MCF2: variants seen among roughly 807,000 people sequenced by gnomAD.
The protein encoded by MCF2 is MCF.2 cell line derived transforming sequence.
In MCF2, 44 loss-of-function variants were observed where a neutral mutation model predicts 82.5. That is an observed-to-expected ratio of 0.53 (90% CI 0.42 to 0.69). The LOEUF is 0.69. Ranked by LOEUF, MCF2 falls within the 30% of genes least tolerant of loss-of-function variation. The probability of loss-of-function intolerance (pLI) is 0.00; values close to 1 mark genes in which losing one functional copy is unlikely to be tolerated. For synonymous variants in MCF2, 217 were observed against 224.9 expected (o/e 0.96, Z 0.32); for missense variants, 623 against 663.1 (o/e 0.94, Z 0.66).
chrX:139,680,285 G>A (rs1253230932), intron 1 of MCF2, among the ~76,000 whole-genome samples: 2 of 111,527 alleles, frequency 1.8e-5, no homozygotes, highest in African/African-American at 3.3e-5. Context: ...CACCACATCC[G>A]GCTAATTGTG....
chrX:139,703,654 A>C (rs1185966466), intron 1 of MCF2, among the ~76,000 whole-genome samples: 1 of 111,184 alleles, frequency 9.0e-6, no homozygotes, highest in African/African-American at 3.3e-5. Context: ...AGAATTGCTT[A>C]AACCTAGGAG....
intron 1 of MCF2, among the ~76,000 whole-genome samples, chrX:139,678,552 G>A (rs937515282): frequency 2.7e-5 from 3 of 112,092 alleles, no homozygotes; most frequent in African/African-American, 9.7e-5. Context: ...CCTGACTGAA[G>A]ATAATTTCAA....
intron 1 of MCF2, among the ~76,000 whole-genome samples, chrX:139,637,250 T>C (rs1933281193): frequency 8.9e-6 from 1 of 112,125 alleles, no homozygotes; most frequent in Non-Finnish European, 1.9e-5. Flanking sequence ...ACACAACTAC[T>C]AAGCAATCAG....
intron 3 of MCF2, among the ~76,000 whole-genome samples, chrX:139,631,187 A>G (rs910156735): frequency 8.9e-6 from 1 of 111,883 alleles, no homozygotes; most frequent in Non-Finnish European, 1.9e-5. Context: ...TGCCATCCTC[A>G]GTGACTGCTC....
At chrX:139,613,825 A>G (rs775873587) in intron 10 of MCF2, among the ~76,000 whole-genome samples, 7 of 111,543 alleles carry the variant, frequency 6.3e-5, no homozygotes, top group African/African-American at 2.3e-4. Context: ...ATTGTATTTA[A>G]GACATTGCTT....
intron 1 of MCF2, among the ~76,000 whole-genome samples, chrX:139,661,147 C>G (rs1000406113): frequency 1.8e-5 from 2 of 111,468 alleles, no homozygotes; most frequent in African/African-American, 3.3e-5. Flanking sequence ...GACAGGGGAA[C>G]AGAGAATGTC....
In MCF2 at chrX:139,617,518, G is replaced by A. The variant is rs780766479; in HGVS notation, c.994C>T (p.Gln332Ter). 1 of 1,174,332 alleles carries A rather than the reference G, an allele frequency of 8.5e-7. No homozygotes were observed. Among genetic ancestry groups the A allele is most frequent in the Non-Finnish European group, 1.1e-6 (1 of 877,613 alleles). Residue 332 changes from glutamine to a stop codon, truncating the protein, a stop_gained, in exon 8 of 25, where the codon CAG becomes TAG. Transcript: ENST00000370576. LOFTEE classifies it high-confidence loss of function. ...ATCATTTCCCATTACACTACCTGCT[G>A]TAGGAGTTTATGCATTTTGAAGGTC...
At chrX:139,698,658 G>T (rs753941663) in intron 1 of MCF2, among the ~76,000 whole-genome samples, 1 of 111,651 alleles carries the variant, frequency 9.0e-6, no homozygotes, top group African/African-American at 3.3e-5. Flanking sequence ...ATAGACTCAC[G>T]CTAAGGTCCA....
intron 1 of MCF2, among the ~76,000 whole-genome samples, chrX:139,673,915 G>T (rs1349112584): frequency 3.6e-5 from 4 of 111,413 alleles, no homozygotes; most frequent in African/African-American, 1.3e-4. Flanking sequence ...TGACAGTGGG[G>T]TGTTAAAGTC....
chrX:139,607,876 C>T (rs1010206498), intron 11 of MCF2, 97 bp from the exon 16 acceptor site: 3 of 506,305 alleles, frequency 5.9e-6, no homozygotes, highest in Non-Finnish European at 1.0e-5. Context: ...TAGGTCCTAA[C>T]TCTGAAGATA....
upstream of MCF2, among the ~76,000 whole-genome samples, chrX:139,644,681 C>T (rs1933736540): frequency 8.9e-6 from 1 of 112,307 alleles, no homozygotes; most frequent in Non-Finnish European, 1.9e-5. Context: ...TTTTGTTTTG[C>T]CTTTGCAACT....
chrX:139,665,619 T>C (rs543401206), intron 1 of MCF2, among the ~76,000 whole-genome samples: 5 of 110,289 alleles, frequency 4.5e-5, no homozygotes, highest in African/African-American at 6.6e-5. Context: ...TTCAGTGATA[T>C]GAAGTTTCAA....
At chrX:139,614,284 A>C (rs1277558777) in intron 10 of MCF2, among the ~76,000 whole-genome samples, 1 of 111,996 alleles carries the variant, frequency 8.9e-6, no homozygotes. Context: ...TGAACTCTGT[A>C]ATAGTAAATT....
chrX:139,583,659 T>C (rs1928666708), intron 24 of MCF2, among the ~76,000 whole-genome samples: 1 of 111,522 alleles, frequency 9.0e-6, no homozygotes, highest in Non-Finnish European at 1.9e-5. Context: ...CTATGCTCAC[T>C]ACCTGGGTGA....
chrX:139,655,846 C>T (rs886258975), intron 1 of MCF2, among the ~76,000 whole-genome samples: 3 of 111,493 alleles, frequency 2.7e-5, no homozygotes, highest in Admixed American at 9.5e-5. Flanking sequence ...AGTATGGATG[C>T]CCCTTATTTC....
At chrX:139,596,426 TA>T (rs200350517) in intron 19 of MCF2, 122 bp downstream of exon 23, 4 of 493,476 alleles carry the variant, frequency 8.1e-6, no homozygotes, top group African/African-American at 2.4e-5. Context: ...TAAGATTTTT[TA>T]AAAAAAACAA....
chrX:139,611,846 T>C (rs1337889975), intron 10 of MCF2, among the ~76,000 whole-genome samples: 1 of 110,255 alleles, frequency 9.1e-6, no homozygotes, highest in Non-Finnish European at 1.9e-5. Flanking sequence ...CTGAAGGAAG[T>C]GGCCTAGAAA....
intron 19 of MCF2, among the ~76,000 whole-genome samples, chrX:139,591,354 A>ATTGTT (rs1929500327): frequency 9.0e-6 from 1 of 111,603 alleles, no homozygotes; most frequent in African/African-American, 3.2e-5. Flanking sequence ...TTAAGTTGCA[A>ATTGTT]TTGTTTTGTT....
chrX:139,694,496 A>T (rs189915241), intron 1 of MCF2, among the ~76,000 whole-genome samples: 9 of 111,182 alleles, frequency 8.1e-5, no homozygotes, highest in African/African-American at 2.9e-4. Context: ...TACTAATATA[A>T]GGATAGACTT....
Sources: allele counts gnomAD v4.1 joint callset (sites outside exome capture counted in the v4.1 genomes callset), GRCh38; gene constraint gnomAD v4.1.1; transcripts MANE v1.5; gene names NCBI Gene and HGNC (gene_info 2026-07-23, HGNC 2026-07-21).